The following TG variants were observed in gnomAD, a reference collection of about 807,000 sequenced individuals.
TG encodes thyroglobulin.
Under a neutral mutation model 324.7 loss-of-function variants are expected in TG, and 270 were observed. The ratio of observed to expected loss-of-function variants is 0.83; its 90% CI spans 0.75 to 0.92. The LOEUF is 0.92. Ranked by LOEUF, TG falls within the 40% of genes least tolerant of loss-of-function variation. The pLI is 0.00. For synonymous variants in TG, 1,401 were observed against 1,327.0 expected, an observed-to-expected ratio of 1.06 and a Z score of -1.21; for missense variants, 3,591 against 3,456.4, an observed-to-expected ratio of 1.04 and a Z score of -0.98.
chr8:132,975,965 CTG>C (rs1434140966), intron 34 of TG, among the ~76,000 whole-genome samples: 1 of 152,158 alleles, frequency 6.6e-6, no homozygotes, highest in Non-Finnish European at 1.5e-5. Context: ...TACTGAGTGT[CTG>C]TTTTCAGTTA....
rs1412581678 is a variant in TG, at chr8:132,887,833, TC to T, written c.2177-150del. ...TGATTTAGTCATGGGGCAATGCCTATCTAGATATTATTTACAAATTTAAGCT... is the reference window on the plus strand; with the variant it reads ...TGATTTAGTCATGGGGCAATGCCTATTAGATATTATTTACAAATTTAAGCT... On this transcript the variant is annotated intron_variant, in intron 9 of 47. Transcript: ENST00000220616. The T allele has an allele frequency of 9.6e-6, 8 of 834,322 alleles. No individual in the cohort carries two copies. In the Admixed American group the frequency reaches 1.7e-4, roughly 18 times the overall value. 51.7% of individuals were successfully genotyped at this position (834,322 alleles called of 1,614,324 possible).
At chr8:132,919,702 C>T (rs1314531184) in intron 21 of TG, among the ~76,000 whole-genome samples, 177 bp downstream of exon 21, 1 of 152,212 alleles carries the variant, frequency 6.6e-6, no homozygotes, top group African/African-American at 2.4e-5. Flanking sequence ...CAGTAGCACT[C>T]CTCCCTAAGT....
intron 34 of TG, among the ~76,000 whole-genome samples, chr8:132,973,149 C>T (rs1007012274): frequency 3.3e-5 from 5 of 152,180 alleles, no homozygotes; most frequent in East Asian, 1.9e-4. Context: ...GACAGCTTGA[C>T]GGTCCTAACA....
intron 45 of TG, among the ~76,000 whole-genome samples, chr8:133,124,414 T>C (rs1029057790): frequency 6.6e-6 from 1 of 152,176 alleles, no homozygotes; most frequent in Non-Finnish European, 1.5e-5. Flanking sequence ...CCATAGAGGA[T>C]GTTAGACTGG....
Position 132,898,910 on chromosome 8 carries a change from A to G in TG, c.3330A>G (p.Glu1110=), listed in dbSNP as rs2132269779. 1.2e-6 allele frequency: 2 copies of G among 1,613,408 alleles called. No homozygotes were observed. Among genetic ancestry groups the G allele is most frequent in the South Asian group, 2.2e-5 (2 of 90,958 alleles). ...PKDLFVPACL[E]TGEYARLQAS... ...ACCTGTTCGTCCCAGCCTGCCTAGA[A>G]GTAAGGGTCTGGAAGCACAGGATTG... The change falls in exon 14 of 48, where the codon GAA becomes GAG. Residue 1110 remains glutamate, a splice_region_variant and synonymous_variant. Transcript: ENST00000220616.
chr8:133,109,318 T>A (rs1850078268), intron 43 of TG, among the ~76,000 whole-genome samples: 1 of 152,182 alleles, frequency 6.6e-6, no homozygotes, highest in South Asian at 2.1e-4. Flanking sequence ...TTTATCAAGA[T>A]TTCAGTCTAC....
intron 18 of TG, among the ~76,000 whole-genome samples, chr8:132,909,890 A>G (rs1819260466): frequency 6.6e-6 from 1 of 152,176 alleles, no homozygotes; most frequent in Admixed American, 6.5e-5. Flanking sequence ...ATCCTAGGCC[A>G]TTTCTCAGTC....
intron 29 of TG, 152 bp downstream of exon 29, chr8:132,963,226 C>A: frequency 1.2e-6 from 1 of 816,782 alleles, no homozygotes; most frequent in Non-Finnish European, 2.0e-6. Flanking sequence ...AATTATCCAG[C>A]TCATAAATAT....
At chr8:133,069,768 A>C (rs972742974) in intron 41 of TG, among the ~76,000 whole-genome samples, 6 of 152,144 alleles carry the variant, frequency 3.9e-5, no homozygotes, top group African/African-American at 1.4e-4. Context: ...TAGGAGGCTG[A>C]GGCAGGCGGA....
In TG at chr8:132,923,409, A is replaced by G; in HGVS notation, c.4600A>G (p.Lys1534Glu). The G allele has an allele frequency of 3.7e-6, 6 of 1,614,122 alleles. No individual in the cohort carries two copies. Among genetic ancestry groups the G allele is most frequent in the Non-Finnish European group, 5.1e-6 (6 of 1,180,026 alleles). The stretch of plus-strand genomic sequence containing the variant: ...GAATGGCCAGTATCGAGCCAGCCAG[A>G]AGGACAGGGGCAGTGGGAAGGCCTT... ...DQNGQYRASQ[K>E]DRGSGKAFCV... The change falls in exon 22 of 48, where the codon AAG becomes GAG. Residue 1534 changes from lysine (K) to glutamate (E), a missense_variant. By Grantham distance (56) the Lys-to-Glu change is moderately conservative. Transcript: ENST00000220616.
intron 20 of TG, 127 bp from the exon 21 acceptor site, chr8:132,919,249 G>A (rs1820795256): frequency 1.9e-6 from 2 of 1,026,484 alleles, no homozygotes; most frequent in Non-Finnish European, 1.5e-6. Flanking sequence ...TAGGTTCTCA[G>A]TGGACATTTG....
chr8:132,987,826 C>T (rs1831768152), intron 35 of TG, among the ~76,000 whole-genome samples: 1 of 152,028 alleles, frequency 6.6e-6, no homozygotes, highest in South Asian at 2.1e-4. Context: ...GAAAGACTTT[C>T]TAAAACTCAC....
chr8:132,976,176 G>C (rs1355472112), intron 34 of TG, among the ~76,000 whole-genome samples: 1 of 152,198 alleles, frequency 6.6e-6, no homozygotes, highest in African/African-American at 2.4e-5. Flanking sequence ...TCCGTTTTGT[G>C]CTGCTATAAC....
At chr8:133,081,865 G>T (rs1845801939) in intron 41 of TG, among the ~76,000 whole-genome samples, 2 of 152,208 alleles carry the variant, frequency 1.3e-5, no homozygotes, top group African/African-American at 2.4e-5. Flanking sequence ...TCCTGTGTAA[G>T]CCTTCCTGCC....
chr8:133,023,865 G>A (rs989259935), intron 40 of TG, among the ~76,000 whole-genome samples: 8 of 152,216 alleles, frequency 5.3e-5, no homozygotes, highest in African/African-American at 1.7e-4. Flanking sequence ...CATTTTGGCT[G>A]CCGGCAGGGG....
At chr8:133,018,428 G>T (rs1835258815) in intron 38 of TG, among the ~76,000 whole-genome samples, 3 of 152,266 alleles carry the variant, frequency 2.0e-5, no homozygotes, top group African/African-American at 7.2e-5. Context: ...GCCAAGCTCA[G>T]CTTCCTGGCC....
chr8:132,867,523 G>GT (rs11325505), intron 1 of TG, among the ~76,000 whole-genome samples: 4,143 of 124,906 alleles, frequency 0.033, 140 homozygotes, highest in African/African-American at 0.099. Flanking sequence ...CCAAGCTTCT[G>GT]TTTTTTTTTT....
chr8:133,076,168 C>G (rs559681951), intron 41 of TG: 10 of 152,312 alleles, frequency 6.6e-5, no homozygotes, highest in Admixed American at 2.6e-4. Context: ...CCTCAGAGCC[C>G]CTCACAGCCC....
At chr8:132,989,115 TG>T (rs1404978461) in intron 35 of TG, among the ~76,000 whole-genome samples, 1 of 152,196 alleles carries the variant, frequency 6.6e-6, no homozygotes, top group Non-Finnish European at 1.5e-5. Context: ...AGCCGTCAGA[TG>T]TCCTGAGACT....
Sources: gnomAD v4.1 joint callset for allele counts (sites outside exome capture counted in the v4.1 genomes callset) on GRCh38, gnomAD v4.1.1 for gene constraint, MANE v1.5 for transcripts, NCBI Gene and HGNC (gene_info 2026-07-23, HGNC 2026-07-21) for gene names.